DCAF8: variants seen among roughly 807,000 people sequenced by gnomAD.
DCAF8 encodes the protein DDB1 and CUL4 associated factor 8.
Under a neutral mutation model 68.0 loss-of-function variants are expected in DCAF8, and 20 were observed. That is an observed-to-expected ratio of 0.29 (90% CI 0.21 to 0.43). The LOEUF is 0.43. Ranked by LOEUF, DCAF8 falls within the 20% of genes least tolerant of loss-of-function variation. DCAF8 has a pLI of 1.00. For synonymous variants in DCAF8, 230 were observed against 276.9 expected (o/e 0.83, Z 1.68); for missense variants, 460 against 771.0 (o/e 0.60, Z 4.78).
intron 2 of DCAF8, among the ~76,000 whole-genome samples, chr1:160,255,562 C>T (rs1656804125): frequency 6.6e-6 from 1 of 152,190 alleles, no homozygotes; most frequent in African/African-American, 2.4e-5. Context: ...TGCCTTCTCT[C>T]CCTATTGGTA....
In DCAF8 at chr1:160,218,372, G is replaced by T. The variant is rs1480267923; in HGVS notation, c.1629C>A (p.His543Gln). ...GGTGATGCATAAGGAACCACAGCAT[G>T]TGACTATCAAACAGGTCAGTTTGGT... The part of the protein sequence containing the change: ...SLHQTDLFDS[H>Q]MLWFLMHHLR... The change falls in exon 13 of 14, where the codon CAC (histidine) becomes CAA (glutamine). Residue 543 changes from histidine to glutamine, a missense_variant. His to Gln is a conservative substitution (Grantham distance 24). This residue lies in a region of DCAF8 where 80 missense variants were observed against 115.1 expected (regional missense o/e 0.70). Transcript: ENST00000368074. 6 of 1,614,066 alleles carry T rather than the reference G, an allele frequency of 3.7e-6. No homozygotes were observed. Among genetic ancestry groups the T allele is most frequent in the Non-Finnish European group, 5.1e-6 (6 of 1,180,034 alleles).
chr1:160,238,517 G>A, intron 5 of DCAF8, 90 bp downstream of exon 5: 1 of 1,394,316 alleles, frequency 7.2e-7, no homozygotes, highest in African/African-American at 1.5e-5. Flanking sequence ...CACAACAAAT[G>A]TGACACAATG....
intron 5 of DCAF8, 24 bp from the exon 6 acceptor site, chr1:160,237,253 T>C: frequency 2.0e-6 from 3 of 1,498,906 alleles, no homozygotes; most frequent in South Asian, 1.2e-5. Flanking sequence ...AGGAAAAACA[T>C]GAGGTTTCTA....
chr1:160,228,825 AAATT>A (rs1374070753), intron 7 of DCAF8, among the ~76,000 whole-genome samples: 2 of 152,228 alleles, frequency 1.3e-5, no homozygotes, highest in African/African-American at 4.8e-5. Flanking sequence ...AAATGTTTTC[AAATT>A]TATACCAGAA....
chr1:160,261,019 A>C (rs1657067552), intron 2 of DCAF8, among the ~76,000 whole-genome samples: 1 of 152,216 alleles, frequency 6.6e-6, no homozygotes, highest in Non-Finnish European at 1.5e-5. Context: ...AAAGAAGAAA[A>C]GAAGACATGG....
intron 7 of DCAF8, among the ~76,000 whole-genome samples, chr1:160,229,119 A>C (rs188495659): frequency 2.6e-4 from 40 of 152,294 alleles, no homozygotes; most frequent in East Asian, 1.9e-4. Context: ...CAACATGGCA[A>C]AACCGTATCT....
rs1278792129 is a variant in DCAF8 at position 160,218,452 on chromosome 1, A to G, written c.1561-12T>C. ...TTCTTCTTAATCACCTGGAACCCAA[A>G]AAGGTTGGGAAGAGGGGGCAGCAAT... On this transcript the variant is annotated splice_polypyrimidine_tract_variant and intron_variant, in intron 12 of 13. Transcript: ENST00000368074. The G allele has an allele frequency of 6.2e-7, 1 of 1,608,290 alleles. No homozygotes were observed. The highest frequency in any genetic ancestry group is 8.5e-7 in the Non-Finnish European group (1 of 1,174,866).
chr1:160,239,472 C>T, intron 4 of DCAF8: 2 of 1,451,158 alleles, frequency 1.4e-6, no homozygotes, highest in Non-Finnish European at 1.8e-6. Context: ...TAATAAGCTG[C>T]ATGCACCCTA....
chr1:160,217,625 C>T lies in DCAF8; in HGVS notation c.1761G>A (p.Glu587=). The T allele has an allele frequency of 6.2e-7, 1 of 1,614,052 alleles. No homozygotes were observed. Among genetic ancestry groups the T allele is most frequent in the Non-Finnish European group, 8.5e-7 (1 of 1,180,008 alleles). The change falls in exon 14 of 14, where the codon GAG becomes GAA. Residue 587 remains glutamate (E), a synonymous_variant. Transcript: ENST00000368074. ...GCATGCACTGCACCCGGTCAGGGCC[C>T]TCCTCCTCGTCCGATGTGTCTGAGG... ...PSSSDTSDEE[E]GPDRVQCMPS
intron 5 of DCAF8, among the ~76,000 whole-genome samples, chr1:160,238,056 G>C (rs966374477): frequency 1.3e-5 from 2 of 152,172 alleles, no homozygotes; most frequent in African/African-American, 4.8e-5. Flanking sequence ...TTTTTGCTTA[G>C]GGTTTCTAAG....
At chr1:160,239,423 C>T in intron 4 of DCAF8, 1 of 1,426,984 alleles carries the variant, frequency 7.0e-7, no homozygotes, top group Non-Finnish European at 9.1e-7. Context: ...GGTTCAAGAG[C>T]CTGTGCTTAT....
rs991862507 is a variant in DCAF8 at position 160,239,120 on chromosome 1, T to C, written c.724-373A>G. ...CAAAGAAAAAGGAAAATAGGGGGAA[T>C]GTCAGGGAAGAAAAGAGAACACCCT... On this transcript the variant is annotated intron_variant, in intron 4 of 13. Coordinates refer to ENST00000368074, the MANE Select transcript of DCAF8 (RefSeq NM_015726.4). 3 of 1,011,820 alleles carry C rather than the reference T, an allele frequency of 3.0e-6. No homozygotes were observed. In the African/African-American group the frequency reaches 5.2e-5, roughly 17 times the overall value. The allele number at this position is 1,011,820 out of a possible 1,614,324, so 62.7% of individuals were successfully genotyped here.
At chr1:160,218,262 G>T in intron 13 of DCAF8, 62 bp downstream of exon 13, 1 of 1,320,982 alleles carries the variant, frequency 7.6e-7, no homozygotes, top group Non-Finnish European at 1.1e-6. Flanking sequence ...CACTACTCTG[G>T]AACTTTTTAG....
intron 6 of DCAF8, 46 bp from the exon 7 acceptor site, chr1:160,231,453 C>A: frequency 6.9e-7 from 1 of 1,445,680 alleles, no homozygotes; most frequent in Non-Finnish European, 9.7e-7. Flanking sequence ...CCAAAAGATC[C>A]AAATGGTCAT....
chr1:160,260,888 G>A (rs1657062210), intron 2 of DCAF8, among the ~76,000 whole-genome samples: 1 of 152,160 alleles, frequency 6.6e-6, no homozygotes, highest in Non-Finnish European at 1.5e-5. Flanking sequence ...ACCCGAAGCT[G>A]TGAGAGGGGA....
intron 6 of DCAF8, 34 bp downstream of exon 6, chr1:160,237,101 T>C: frequency 7.0e-7 from 1 of 1,437,162 alleles, no homozygotes; most frequent in Non-Finnish European, 9.5e-7. Flanking sequence ...GGCTAAGAGA[T>C]ACAGTTCTGT....
At chr1:160,229,066 G>A (rs928490375) in intron 7 of DCAF8, among the ~76,000 whole-genome samples, 6 of 152,120 alleles carry the variant, frequency 3.9e-5, no homozygotes, top group African/African-American at 7.2e-5. Flanking sequence ...TTGAGAGGCC[G>A]AGGTGGGTGG....
intron 3 of DCAF8, among the ~76,000 whole-genome samples, chr1:160,241,816 A>C (rs1571100051): frequency 6.6e-6 from 1 of 152,356 alleles, no homozygotes. Flanking sequence ...CTTATTGCCT[A>C]GTCATGTGGA....
chr1:160,248,025 A>G lies in DCAF8; in HGVS notation c.-26-3991T>C, dbSNP rs993732247. 8.5e-5 allele frequency among the ~76,000 whole-genome samples: 13 copies of G among 152,322 alleles called. No homozygotes were observed. In the South Asian group the frequency reaches 2.7e-3, roughly 32 times the overall value. ...TTATCAAAATTAATAAATTCTGATA[A>G]ATCTGAGCGGTGGTTCAGGCCTGTA... On this transcript the variant is annotated intron_variant, in intron 2 of 13. Coordinates refer to ENST00000368074, the MANE Select transcript of DCAF8 (RefSeq NM_015726.4).
Sources: allele counts gnomAD v4.1 joint callset (sites outside exome capture counted in the v4.1 genomes callset), GRCh38; gene constraint gnomAD v4.1.1; regional missense constraint gnomAD v4.1.1; transcripts MANE v1.5; gene names NCBI Gene and HGNC (gene_info 2026-07-23, HGNC 2026-07-21).